Variants in SPIDR observed in about 807,000 individuals in gnomAD.
SPIDR encodes DNA repair-scaffolding protein.
SPIDR carries 93 observed loss-of-function variants against 104.6 expected under a neutral mutation model. The observed-to-expected ratio is 0.89, with a 90% CI of 0.75 to 1.06. SPIDR has a LOEUF of 1.06. SPIDR is among the 50% of genes least tolerant of loss of function. The pLI, the probability that SPIDR is intolerant of heterozygous loss-of-function variation, is 0.00. For synonymous variants in SPIDR, 431 were observed against 416.9 expected, an observed-to-expected ratio of 1.03 and a Z score of -0.41; for missense variants, 1,154 against 1,111.2, an observed-to-expected ratio of 1.04 and a Z score of -0.55.
intron 8 of SPIDR, among the ~76,000 whole-genome samples, chr8:47,520,637 T>C (rs749392676): frequency 6.6e-6 from 1 of 152,222 alleles, no homozygotes; most frequent in Non-Finnish European, 1.5e-5. Flanking sequence ...ATTTAATGCT[T>C]TGTGTAGGCT....
intron 10 of SPIDR, among the ~76,000 whole-genome samples, chr8:47,648,968 A>G (rs1337791068): frequency 1.3e-5 from 2 of 152,234 alleles, no homozygotes. Context: ...TTTTAACTTC[A>G]AAAGGAAAAA....
chr8:47,331,031 A>G, intron 5 of SPIDR: 1 of 305,362 alleles, frequency 3.3e-6, no homozygotes, highest in East Asian at 7.9e-5. Flanking sequence ...AGTGTTAGGA[A>G]TTTTAGCCAT....
chr8:47,525,042 G>A (rs1354984936), intron 8 of SPIDR, among the ~76,000 whole-genome samples: 2 of 152,236 alleles, frequency 1.3e-5, no homozygotes. Flanking sequence ...TTTCCTGCTA[G>A]TTCTGATCCG....
intron 1 of SPIDR, among the ~76,000 whole-genome samples, chr8:47,269,217 T>C (rs1192447027): frequency 6.8e-6 from 1 of 146,772 alleles, no homozygotes; most frequent in East Asian, 2.0e-4. Context: ...CAGTGATCCA[T>C]GATCGTGCTA....
At chr8:47,345,093 C>T (rs1210549575) in intron 5 of SPIDR, among the ~76,000 whole-genome samples, 9 of 152,124 alleles carry the variant, frequency 5.9e-5, no homozygotes, top group South Asian at 2.1e-4. Context: ...TTTATGGTTT[C>T]AGGTCTAACA....
rs553111259 is a variant in SPIDR at position 47,383,265 on chromosome 8, C to T, written c.526-13111C>T. On this transcript the variant is annotated intron_variant, in intron 5 of 19. Coordinates refer to ENST00000297423, the MANE Select transcript of SPIDR (RefSeq NM_001080394.4). ...ATTTTATTTCTTCTTTCTTTGCTCC[C>T]TAATATTTTATCTGTTTCAATTAAT... Among the ~76,000 whole-genome samples, 5 of 152,278 alleles carry T rather than the reference C, an allele frequency of 3.3e-5. No individual in the cohort carries two copies. In the East Asian group the frequency reaches 9.6e-4, roughly 29 times the overall value.
chr8:47,427,508 T>C (rs72646324), intron 7 of SPIDR, among the ~76,000 whole-genome samples: 15,349 of 152,196 alleles, frequency 0.1, 1,132 homozygotes, highest in African/African-American at 0.21. Flanking sequence ...GCGGTAGTTT[T>C]CCAGAATGAG....
At chr8:47,505,094 G>A (rs1306531726) in intron 8 of SPIDR, among the ~76,000 whole-genome samples, 1 of 152,204 alleles carries the variant, frequency 6.6e-6, no homozygotes, top group Non-Finnish European at 1.5e-5. Flanking sequence ...CCCACTTGAG[G>A]AGGCAGTCTG....
intron 8 of SPIDR, among the ~76,000 whole-genome samples, chr8:47,521,486 C>T (rs1458206879): frequency 1.3e-5 from 2 of 148,508 alleles, no homozygotes; most frequent in Admixed American, 6.7e-5. Flanking sequence ...AGCACAATCT[C>T]GGCTCACTGT....
intron 11 of SPIDR, among the ~76,000 whole-genome samples, chr8:47,681,742 T>C (rs1373736149): frequency 6.6e-6 from 1 of 152,226 alleles, no homozygotes; most frequent in Non-Finnish European, 1.5e-5. Context: ...ACAAGGAGTC[T>C]TTATCTTAAT....
chr8:47,686,462 A>T (rs1328317678), intron 11 of SPIDR, among the ~76,000 whole-genome samples: 1 of 152,246 alleles, frequency 6.6e-6, no homozygotes, highest in Non-Finnish European at 1.5e-5. Context: ...TTAATACGGG[A>T]TGCTGAAAGT....
At chr8:47,279,111 T>C (rs2037202940) in intron 1 of SPIDR, among the ~76,000 whole-genome samples, 1 of 151,676 alleles carries the variant, frequency 6.6e-6, no homozygotes, top group South Asian at 2.1e-4. Flanking sequence ...CCCAGGCTGG[T>C]CTTGAACCTC....
intron 8 of SPIDR, among the ~76,000 whole-genome samples, chr8:47,493,414 A>C (rs2079028645): frequency 6.6e-6 from 1 of 152,348 alleles, no homozygotes; most frequent in South Asian, 2.1e-4. Context: ...ACATTTAAGA[A>C]AGGAAATTAA....
intron 5 of SPIDR, among the ~76,000 whole-genome samples, chr8:47,309,726 A>T (rs2043770254): frequency 6.6e-6 from 1 of 152,166 alleles, no homozygotes; most frequent in South Asian, 2.1e-4. Flanking sequence ...AAATATTGTT[A>T]CAACTGTGTA....
At chr8:47,727,454 A>G (rs1264900620) in intron 17 of SPIDR, among the ~76,000 whole-genome samples, 161 bp downstream of exon 17, 1 of 152,214 alleles carries the variant, frequency 6.6e-6, no homozygotes, top group Non-Finnish European at 1.5e-5. Flanking sequence ...TCTGGGGCCC[A>G]GTGGGTTTTC....
chr8:47,484,513 G>C (rs1247839009), intron 8 of SPIDR, among the ~76,000 whole-genome samples: 3 of 152,202 alleles, frequency 2.0e-5, no homozygotes, highest in African/African-American at 7.2e-5. Flanking sequence ...GGTGGCAGAG[G>C]CACAGTGACA....
At chr8:47,303,826 G>A (rs976668434) in intron 5 of SPIDR, among the ~76,000 whole-genome samples, 40 of 152,102 alleles carry the variant, frequency 2.6e-4, no homozygotes, top group Admixed American at 7.9e-4. Context: ...ACAGGCGCCC[G>A]TCACCATGCC....
At chr8:47,581,485 T>A (rs536605559) in intron 8 of SPIDR, among the ~76,000 whole-genome samples, 84 of 152,244 alleles carry the variant, frequency 5.5e-4, no homozygotes, top group Non-Finnish European at 9.7e-4. Flanking sequence ...AATGAGTCAG[T>A]TAAAAAATAT....
intron 1 of SPIDR, among the ~76,000 whole-genome samples, chr8:47,274,181 A>T (rs1188400152): frequency 1.3e-5 from 2 of 152,220 alleles, no homozygotes; most frequent in Non-Finnish European, 2.9e-5. Context: ...GATATATTTC[A>T]TGTTATAGCA....
Sources: allele counts gnomAD v4.1 joint callset (sites outside exome capture counted in the v4.1 genomes callset), GRCh38; gene constraint gnomAD v4.1.1; transcripts MANE v1.5; gene names NCBI Gene and HGNC (gene_info 2026-07-23, HGNC 2026-07-21).